Variants in WDTC1 observed in about 807,000 individuals in gnomAD.
WDTC1 encodes WD and tetratricopeptide repeats protein 1.
Under a neutral mutation model 76.0 loss-of-function variants are expected in WDTC1, and 12 were observed. The observed-to-expected ratio is 0.16, with a 90% CI of 0.10 to 0.26. WDTC1 has a LOEUF of 0.26. Among genes scored for constraint, WDTC1 ranks in the 10% least tolerant of loss-of-function variants. The pLI is 1.00. For missense variants in WDTC1, 511 were observed against 908.8 expected, an observed-to-expected ratio of 0.56 and a Z score of 5.63; for synonymous variants, 326 against 350.8, an observed-to-expected ratio of 0.93 and a Z score of 0.79.
Position 27,282,231 on chromosome 1 carries a change from T to C in WDTC1, c.133-8T>C. 2 of 1,613,342 alleles carry C rather than the reference T, an allele frequency of 1.2e-6. No individual in the cohort carries two copies. Among genetic ancestry groups the C allele is most frequent in the Non-Finnish European group, 1.7e-6 (2 of 1,179,604 alleles). On this transcript the variant is annotated splice_region_variant and splice_polypyrimidine_tract_variant and intron_variant, in intron 3 of 15. Coordinates refer to ENST00000319394, the MANE Select transcript of WDTC1 (RefSeq NM_001276252.2). The stretch of plus-strand genomic sequence containing the variant: ...ACTCTCTTCCTGTCTCTTCATTTGC[T>C]CCCCCAGGGTCACTCAGGATGTGTC...
In WDTC1 at chr1:27,235,394, CTGTGTGTGTGTGTG is replaced by C. The variant is rs139665541; in HGVS notation, c.-100+473_-100+486del. ...TCTTTCTGTTTTTCTCTCTCTCTTTCTGTGTGTGTGTGTGTGTGTGTGTGTGTGTGTGTGTGTGT... is the reference window on the plus strand; with the variant it reads ...TCTTTCTGTTTTTCTCTCTCTCTTTCTGTGTGTGTGTGTGTGTGTGTGTGT... On this transcript the variant is annotated intron_variant, in intron 1 of 15. Transcript: ENST00000319394. Among the ~76,000 whole-genome samples, 103 of 141,216 alleles carry C rather than the reference CTGTGTGTGTGTGTG, an allele frequency of 7.3e-4. 1 individual carries two copies. The highest frequency in any genetic ancestry group is 3.1e-3 in the South Asian group (13 of 4,186). The allele number at this position is 141,216 out of a possible 152,430, so 92.6% of individuals were successfully genotyped here.
At chr1:27,291,401 A>T (rs2013531410) in intron 6 of WDTC1, among the ~76,000 whole-genome samples, 1 of 152,208 alleles carries the variant, frequency 6.6e-6, no homozygotes, top group African/African-American at 2.4e-5. Context: ...GATGTAAAAT[A>T]ATATTTTAGG....
intron 12 of WDTC1, among the ~76,000 whole-genome samples, chr1:27,299,222 A>G (rs1425973490): frequency 1.3e-5 from 2 of 152,166 alleles, no homozygotes; most frequent in Admixed American, 1.3e-4. Flanking sequence ...AGCTCCTACT[A>G]TGTGCTAGGT....
At chr1:27,242,838 G>A in intron 1 of WDTC1, among the ~76,000 whole-genome samples, 1 of 152,192 alleles carries the variant, frequency 6.6e-6, no homozygotes, top group Admixed American at 6.6e-5. Flanking sequence ...ATCAAGGTGA[G>A]TTTTTATCTA....
At chr1:27,270,682 C>T (rs769810662) in intron 3 of WDTC1, among the ~76,000 whole-genome samples, 9 of 151,938 alleles carry the variant, frequency 5.9e-5, no homozygotes, top group African/African-American at 1.5e-4. Context: ...GGCAACAGAG[C>T]GACTCTCCCT....
intron 3 of WDTC1, among the ~76,000 whole-genome samples, chr1:27,266,300 G>T (rs1193797961): frequency 6.6e-6 from 1 of 152,248 alleles, no homozygotes. Context: ...GAAAAAGCTT[G>T]AATGTGTTGA....
intron 3 of WDTC1, among the ~76,000 whole-genome samples, chr1:27,267,815 CAG>C (rs1304630935): frequency 1.3e-5 from 2 of 152,102 alleles, no homozygotes; most frequent in Non-Finnish European, 2.9e-5. Flanking sequence ...TTTCATGGTT[CAG>C]AGTGTTCTGT....
At chr1:27,299,370 C>G (rs935013300) in intron 12 of WDTC1, among the ~76,000 whole-genome samples, 2 of 152,062 alleles carry the variant, frequency 1.3e-5, no homozygotes, top group African/African-American at 4.8e-5. Flanking sequence ...AGGTAAAGGG[C>G]TGTGGGCATC....
At chr1:27,242,748 C>A (rs1031886887) in intron 1 of WDTC1, among the ~76,000 whole-genome samples, 1 of 152,158 alleles carries the variant, frequency 6.6e-6, no homozygotes, top group African/African-American at 2.4e-5. Context: ...GGATTACAGG[C>A]GTGAGCCACC....
rs1047966815 is a variant in WDTC1 at position 27,297,115 on chromosome 1, T to C, written c.1017T>C (p.His339=). Reference sequence around the variant, plus strand: ...GTGTGTCCAATGGCCTGCACCTTCATAGCAATGGCTTCCGGCTGCCGGAGA... The same window carrying C: ...GTGTGTCCAATGGCCTGCACCTTCACAGCAATGGCTTCCGGCTGCCGGAGA... The part of the protein sequence containing the change: ...SNGVSNGLHL[H]SNGFRLPESR... Residue 339 remains histidine (H), a synonymous_variant, in exon 11 of 16, where the codon CAT becomes CAC. Transcript: ENST00000319394. 3.7e-6 allele frequency: 6 copies of C among 1,613,922 alleles called. No homozygotes were observed. Among genetic ancestry groups the C allele is most frequent in the Non-Finnish European group, 5.1e-6 (6 of 1,179,972 alleles).
At chr1:27,266,610 G>C (rs1354972999) in intron 3 of WDTC1, among the ~76,000 whole-genome samples, 2 of 152,140 alleles carry the variant, frequency 1.3e-5, no homozygotes, top group Non-Finnish European at 2.9e-5. Flanking sequence ...AGCTCTTAAA[G>C]TTTCCTAAGA....
At chr1:27,295,675 G>A (rs2013664477) in intron 9 of WDTC1, among the ~76,000 whole-genome samples, 2 of 151,904 alleles carry the variant, frequency 1.3e-5, no homozygotes, top group African/African-American at 2.4e-5. Flanking sequence ...GGCTAGTCTC[G>A]AACTCCTGAC....
chr1:27,286,852 A>T (rs1485196745), intron 5 of WDTC1, among the ~76,000 whole-genome samples: 1 of 152,104 alleles, frequency 6.6e-6, no homozygotes. Context: ...TTTCAGAAGC[A>T]GTCAAACTAA....
chr1:27,296,962 C>T (rs780834962), intron 10 of WDTC1, 86 bp from the exon 11 acceptor site: 4 of 1,164,372 alleles, frequency 3.4e-6, no homozygotes, highest in Non-Finnish European at 5.1e-6. Context: ...ACCATCAGAC[C>T]CCGTGATGGA....
At chr1:27,251,287 A>G (rs1208048371) in intron 1 of WDTC1, among the ~76,000 whole-genome samples, 2 of 151,912 alleles carry the variant, frequency 1.3e-5, no homozygotes, top group Non-Finnish European at 2.9e-5. Context: ...TATAGAAATG[A>G]TGGGGTTACA....
chr1:27,261,724 C>A (rs2012480110), intron 2 of WDTC1, among the ~76,000 whole-genome samples: 1 of 152,136 alleles, frequency 6.6e-6, no homozygotes, highest in Non-Finnish European at 1.5e-5. Flanking sequence ...TAAGAATCCC[C>A]AGCTGGAGTC....
chr1:27,275,756 T>C (rs925849072), intron 3 of WDTC1, among the ~76,000 whole-genome samples: 1 of 152,212 alleles, frequency 6.6e-6, no homozygotes, highest in African/African-American at 2.4e-5. Flanking sequence ...GCCTGTTTGC[T>C]TGTTTGTTAT....
At chr1:27,261,926 TA>T (rs200147979) in intron 2 of WDTC1, among the ~76,000 whole-genome samples, 1 of 151,684 alleles carries the variant, frequency 6.6e-6, no homozygotes, top group Admixed American at 6.6e-5. Flanking sequence ...ACTAAAGTAC[TA>T]AAAAAATTTT....
intron 1 of WDTC1, among the ~76,000 whole-genome samples, chr1:27,256,582 C>A (rs188029167): frequency 6.6e-6 from 1 of 152,348 alleles, no homozygotes; most frequent in Admixed American, 6.5e-5. Flanking sequence ...CAGTTATTGT[C>A]ACTTCAACTT....
Sources: gnomAD v4.1 joint callset for allele counts (sites outside exome capture counted in the v4.1 genomes callset) on GRCh38, gnomAD v4.1.1 for gene constraint, MANE v1.5 for transcripts, NCBI Gene and HGNC (gene_info 2026-07-23, HGNC 2026-07-21) for gene names.